The following WASF3 variants were observed in gnomAD, a reference collection of about 807,000 sequenced individuals.
WASF3 encodes the protein actin-binding protein WASF3.
Under a neutral mutation model 46.6 loss-of-function variants are expected in WASF3, and 11 were observed. The observed-to-expected ratio is 0.24, with a 90% CI of 0.15 to 0.39. WASF3 has a LOEUF of 0.39. Ranked by LOEUF, WASF3 falls within the 10% of genes least tolerant of loss-of-function variation. The pLI is 1.00. For synonymous variants in WASF3, 242 were observed against 259.7 expected (o/e 0.93, Z 0.65); for missense variants, 576 against 669.8 (o/e 0.86, Z 1.55).
In WASF3 at chr13:26,677,214, T is replaced by C. The variant is rs181173017; in HGVS notation, c.716+490T>C. Among the ~76,000 whole-genome samples the C allele has an allele frequency of 5.3e-5, 8 of 152,344 alleles. No individual in the cohort carries two copies. The East Asian group carries it at 9.6e-4, about 18-fold the overall frequency. On this transcript the variant is annotated intron_variant, in intron 7 of 9. Coordinates refer to ENST00000335327, the MANE Select transcript of WASF3 (RefSeq NM_006646.6). The stretch of plus-strand genomic sequence containing the variant: ...TTTACTTCTTATTTCAGATAACTTA[T>C]ATATTCTGATTTCAGGAGAAGAATT...
At chr13:26,604,789 G>A (rs1178757479) in intron 1 of WASF3, among the ~76,000 whole-genome samples, 1 of 152,154 alleles carries the variant, frequency 6.6e-6, no homozygotes, top group South Asian at 2.1e-4. Flanking sequence ...TTGTTTCAAG[G>A]TTTAAACTGT....
chr13:26,611,386 C>T (rs1880973751), intron 1 of WASF3, among the ~76,000 whole-genome samples: 2 of 152,164 alleles, frequency 1.3e-5, no homozygotes, highest in South Asian at 4.1e-4. Context: ...AATAATAAGT[C>T]CATAGCCTTT....
chr13:26,553,976 C>G (rs1441999339), upstream of WASF3, among the ~76,000 whole-genome samples: 1 of 151,898 alleles, frequency 6.6e-6, no homozygotes, highest in East Asian at 1.9e-4. Flanking sequence ...AAAACCTCCC[C>G]AAAACTTTTT....
intron 3 of WASF3, among the ~76,000 whole-genome samples, chr13:26,663,347 C>T (rs1314516212): frequency 6.6e-6 from 1 of 152,162 alleles, no homozygotes; most frequent in South Asian, 2.1e-4. Flanking sequence ...AAGCAATAAA[C>T]GAGCATTAAT....
chr13:26,551,648 G>A, the WASF3 span, among the ~76,000 whole-genome samples: 16 of 152,270 alleles, frequency 1.1e-4, no homozygotes, highest in Admixed American at 9.8e-4. Context: ...GCCCAGGAAG[G>A]CTCCAGAGAG....
chr13:26,621,851 G>C (rs1881316606), intron 2 of WASF3, among the ~76,000 whole-genome samples: 1 of 152,092 alleles, frequency 6.6e-6, no homozygotes. Flanking sequence ...GGAGTTGTCA[G>C]TAGGCACTTA....
Position 26,676,845 on chromosome 13 carries a change from A to G in WASF3, c.716+121A>G, listed in dbSNP as rs543854198. On this transcript the variant is annotated intron_variant, in intron 7 of 9. Coordinates refer to ENST00000335327, the MANE Select transcript of WASF3 (RefSeq NM_006646.6). ...TTTATATGGCCCTTGATGTCTTAAG[A>G]TTTTCCTTAAAAATTGTTTATCTGT... 1,185 of 943,194 alleles carry G rather than the reference A, an allele frequency of 1.3e-3. 3 individuals carry two copies. Among genetic ancestry groups the G allele is most frequent in the Non-Finnish European group, 1.7e-3 (1,111 of 666,670 alleles). The allele number at this position is 943,194 out of a possible 1,614,324, so 58.4% of individuals were successfully genotyped here. A position where few individuals can be genotyped will look rare whatever the true frequency, so the allele number is the denominator to read the frequency against.
chr13:26,593,265 C>A (rs793632), intron 1 of WASF3, among the ~76,000 whole-genome samples: 128,521 of 152,210 alleles, frequency 0.84, 54,293 homozygotes, highest in East Asian at 0.91. Flanking sequence ...CCGACTTGGC[C>A]GAAGCATGGG....
At chr13:26,578,142 T>C (rs1334146067) in intron 1 of WASF3, among the ~76,000 whole-genome samples, 2 of 152,220 alleles carry the variant, frequency 1.3e-5, no homozygotes, top group Non-Finnish European at 1.5e-5. Context: ...TCCTGCCTTA[T>C]TGCACTGGAT....
intron 1 of WASF3, among the ~76,000 whole-genome samples, chr13:26,595,521 T>G (rs1880433452): frequency 6.6e-6 from 1 of 152,190 alleles, no homozygotes; most frequent in Non-Finnish European, 1.5e-5. Context: ...TATTTTAAAC[T>G]GCAGGTGTGT....
intron 1 of WASF3, among the ~76,000 whole-genome samples, chr13:26,567,704 AAAAAT>A (rs1566037039): frequency 6.6e-6 from 1 of 151,296 alleles, no homozygotes; most frequent in Non-Finnish European, 1.5e-5. Flanking sequence ...ACATTAAAAA[AAAAAT>A]ATATATATAT....
intron 7 of WASF3, chr13:26,680,151 A>C: frequency 1.9e-6 from 3 of 1,597,116 alleles, no homozygotes; most frequent in Non-Finnish European, 2.5e-6. Flanking sequence ...TGAGTGACGC[A>C]AAGAAACTGG....
intron 9 of WASF3, among the ~76,000 whole-genome samples, chr13:26,684,296 T>C (rs1230977907): frequency 1.3e-5 from 2 of 151,978 alleles, no homozygotes; most frequent in East Asian, 1.9e-4. Context: ...TAACACCTTA[T>C]AAGCCCTGTC....
rs1883173810 is a variant in WASF3 at position 26,679,890 on chromosome 13, G to C, written c.717-1164G>C. On this transcript the variant is annotated intron_variant, in intron 7 of 9. Coordinates refer to ENST00000335327, the MANE Select transcript of WASF3 (RefSeq NM_006646.6). The surrounding 1 kb of genome is among the most constrained non-coding windows in gnomAD (Gnocchi z 4.8). ...AAGGAAGGAAAAAGGAAAAGAAGCTGTCTCTTCTCATTTGGAAGGCTTTTC... is the reference window on the plus strand; with the variant it reads ...AAGGAAGGAAAAAGGAAAAGAAGCTCTCTCTTCTCATTTGGAAGGCTTTTC... The C allele has an allele frequency of 9.2e-6, 8 of 870,064 alleles. No individual in the cohort carries two copies. The highest frequency in any genetic ancestry group is 4.8e-4 in the Middle Eastern group (2 of 4,160). 53.9% of individuals were successfully genotyped at this position (870,064 alleles called of 1,614,324 possible).
intron 3 of WASF3, among the ~76,000 whole-genome samples, chr13:26,652,729 C>T (rs919733307): frequency 2.0e-5 from 3 of 152,066 alleles, no homozygotes; most frequent in Non-Finnish European, 2.9e-5. Context: ...AAAAAATAAT[C>T]CTTGGGTCAA....
intron 6 of WASF3, among the ~76,000 whole-genome samples, chr13:26,676,121 G>A (rs1883061582): frequency 6.6e-6 from 1 of 152,150 alleles, no homozygotes; most frequent in Non-Finnish European, 1.5e-5. Flanking sequence ...AGAATGTTTT[G>A]AATTATTTTC....
intron 1 of WASF3, among the ~76,000 whole-genome samples, chr13:26,580,474 T>G (rs964034706): frequency 2.0e-5 from 3 of 152,190 alleles, no homozygotes; most frequent in Non-Finnish European, 2.9e-5. Context: ...ATATTTCTTT[T>G]GTAGGTCCAA....
intron 9 of WASF3, among the ~76,000 whole-genome samples, chr13:26,685,027 G>T (rs890784475): frequency 6.6e-6 from 1 of 151,216 alleles, no homozygotes; most frequent in Non-Finnish European, 1.5e-5. Flanking sequence ...GGTCGAGGCT[G>T]CAGTGAGCCA....
chr13:26,579,092 C>T (rs1217888237), intron 1 of WASF3, among the ~76,000 whole-genome samples: 11 of 137,218 alleles, frequency 8.0e-5, no homozygotes, highest in Non-Finnish European at 9.1e-5. Flanking sequence ...CCCCAAACTC[C>T]GGGCTCAGGT....
Sources: allele counts gnomAD v4.1 joint callset (sites outside exome capture counted in the v4.1 genomes callset), GRCh38; gene constraint gnomAD v4.1.1; non-coding constraint Gnocchi (gnomAD v3.1); transcripts MANE v1.5; gene names NCBI Gene and HGNC (gene_info 2026-07-23, HGNC 2026-07-21).